The following TRPM3 variants were observed in gnomAD, a reference collection of about 807,000 sequenced individuals.
TRPM3 encodes the protein long transient receptor potential channel 3.
A neutral mutation model predicts 181.2 loss-of-function variants in TRPM3; 77 were observed. The observed-to-expected ratio is 0.42, with a 90% confidence interval of 0.35 to 0.51. The LOEUF (loss-of-function observed/expected upper bound fraction) is 0.51. Ranked by LOEUF, TRPM3 falls within the 20% of genes least tolerant of loss-of-function variation. TRPM3 has a pLI of 0.01. For synonymous variants in TRPM3, 745 were observed against 796.4 expected (o/e 0.94, Z 1.09); for missense variants, 1,759 against 2,196.7 (o/e 0.80, Z 3.98).
chr9:71,329,162 A>T (rs184432313), intron 1 of TRPM3, among the ~76,000 whole-genome samples: 1 of 152,360 alleles, frequency 6.6e-6, no homozygotes, highest in Non-Finnish European at 1.5e-5. Context: ...TGCAGCACAC[A>T]TAACAGTAAC....
intron 1 of TRPM3, among the ~76,000 whole-genome samples, chr9:71,090,371 T>C (rs751800563): frequency 5.9e-5 from 9 of 152,198 alleles, no homozygotes; most frequent in Non-Finnish European, 1.2e-4. Flanking sequence ...ACTATTCTAC[T>C]ATGCAAGAAA....
intron 1 of TRPM3, among the ~76,000 whole-genome samples, chr9:71,025,432 C>G (rs144848044): frequency 4.7e-4 from 71 of 152,288 alleles, no homozygotes; most frequent in African/African-American, 1.6e-3. Flanking sequence ...ACACATGATT[C>G]ATCGGAAAGA....
chr9:71,408,889 G>T (rs1338226005), intron 1 of TRPM3, among the ~76,000 whole-genome samples: 5 of 152,200 alleles, frequency 3.3e-5, no homozygotes, highest in Admixed American at 3.3e-4. Context: ...AAGCCCATCG[G>T]ACTAGCAGCT....
intron 1 of TRPM3, among the ~76,000 whole-genome samples, chr9:70,987,955 A>C (rs1290416028): frequency 6.6e-6 from 1 of 152,144 alleles, no homozygotes; most frequent in African/African-American, 2.4e-5. Context: ...GGATTAGTGT[A>C]CTCCTTATAA....
intron 1 of TRPM3, among the ~76,000 whole-genome samples, chr9:70,960,326 A>T (rs1257623901): frequency 6.6e-6 from 1 of 152,138 alleles, no homozygotes; most frequent in African/African-American, 2.4e-5. Flanking sequence ...GCTTGTTATG[A>T]AGTCCCTTCT....
chr9:71,272,157 T>A (rs2083851486), intron 1 of TRPM3, among the ~76,000 whole-genome samples: 1 of 152,162 alleles, frequency 6.6e-6, no homozygotes, highest in Non-Finnish European at 1.5e-5. Context: ...TGTTTGGGTA[T>A]GGGGTTATGG....
chr9:71,073,133 G>C (rs769352976), intron 1 of TRPM3, among the ~76,000 whole-genome samples: 1 of 152,046 alleles, frequency 6.6e-6, no homozygotes, highest in Non-Finnish European at 1.5e-5. Context: ...TCGTAGTGAT[G>C]GTCTCAAGTA....
chr9:70,644,132 GACAA>G (rs1694339301), intron 9 of TRPM3, among the ~76,000 whole-genome samples: 1 of 152,158 alleles, frequency 6.6e-6, no homozygotes, highest in Non-Finnish European at 1.5e-5. Flanking sequence ...AACGTCCAAT[GACAA>G]ACAAGGTAGC....
intron 1 of TRPM3, among the ~76,000 whole-genome samples, chr9:71,375,392 T>C (rs1232493486): frequency 6.6e-6 from 1 of 152,102 alleles, no homozygotes; most frequent in East Asian, 1.9e-4. Context: ...ATTAAAGACT[T>C]AAATGTAAAA....
chr9:70,802,760 G>A (rs554689939), intron 6 of TRPM3, among the ~76,000 whole-genome samples: 3 of 152,148 alleles, frequency 2.0e-5, no homozygotes, highest in East Asian at 3.9e-4. Context: ...GCTACGATTC[G>A]ACCCTATTTT....
Position 70,635,543 on chromosome 9 carries a change from G to T in TRPM3, c.1582-282C>A, listed in dbSNP as rs144179274. ...AACGGCATAATCACAGCTCACTGCAGCCTCGAACTCTTGGGCTCACCTTAG... is the reference window on the plus strand; with the variant it reads ...AACGGCATAATCACAGCTCACTGCATCCTCGAACTCTTGGGCTCACCTTAG... On this transcript the variant is annotated intron_variant, in intron 11 of 25. Transcript: ENST00000677713. Among the ~76,000 whole-genome samples the T allele has an allele frequency of 2.3e-3, 330 of 146,122 alleles. 1 individual carries two copies. Among genetic ancestry groups the T allele is most frequent in the Non-Finnish European group, 4.2e-3 (284 of 67,178 alleles).
At position 71,197,252 on chromosome 9, in the gene TRPM3, T is replaced by C. The variant is rs1024262291; in HGVS notation, c.183+249401A>G. On this transcript the variant is annotated intron_variant, in intron 1 of 24. Transcript: ENST00000357533. The stretch of plus-strand genomic sequence containing the variant: ...TCCATGGTGTATATGAGCCACATTT[T>C]CTTAATCCAGTCTATCATTGTTGGA... Among the ~76,000 whole-genome samples the C allele has an allele frequency of 5.9e-5, 9 of 152,352 alleles. 1 individual carries two copies. Among genetic ancestry groups the C allele is most frequent in the Admixed American group, 2.6e-4 (4 of 15,290 alleles).
intron 1 of TRPM3, among the ~76,000 whole-genome samples, chr9:71,099,273 C>T (rs575089629): frequency 2.6e-4 from 39 of 152,188 alleles, no homozygotes; most frequent in African/African-American, 8.9e-4. Context: ...TTTGTAAGGG[C>T]ACTAATATCA....
intron 1 of TRPM3, among the ~76,000 whole-genome samples, chr9:71,223,225 C>T (rs1310406707): frequency 6.6e-6 from 1 of 152,122 alleles, no homozygotes; most frequent in Non-Finnish European, 1.5e-5. Context: ...GGCTCAGCTA[C>T]AGAAGGACAG....
At chr9:71,114,604 T>G (rs928932123) in intron 1 of TRPM3, among the ~76,000 whole-genome samples, 2 of 152,208 alleles carry the variant, frequency 1.3e-5, no homozygotes, top group African/African-American at 4.8e-5. Flanking sequence ...TTTTGAAGGT[T>G]GTGCGGTGGA....
chr9:71,431,858 C>A (rs1023045846), intron 1 of TRPM3, among the ~76,000 whole-genome samples: 1 of 152,194 alleles, frequency 6.6e-6, no homozygotes, highest in African/African-American at 2.4e-5. Context: ...TTCATCTTCT[C>A]TCTGTCCAGG....
chr9:71,006,634 C>A (rs1056852353), intron 1 of TRPM3, among the ~76,000 whole-genome samples: 6 of 152,042 alleles, frequency 3.9e-5, no homozygotes, highest in African/African-American at 1.4e-4. Context: ...CTTTGGGAGG[C>A]CGAGGTGGGT....
intron 22 of TRPM3, among the ~76,000 whole-genome samples, chr9:70,578,106 T>A (rs1222038225): frequency 1.3e-5 from 2 of 152,118 alleles, no homozygotes; most frequent in Non-Finnish European, 2.9e-5. Context: ...TTTAAAACTG[T>A]TTTCAATTTG....
chr9:71,387,273 C>A (rs546491851), intron 1 of TRPM3, among the ~76,000 whole-genome samples: 3 of 152,310 alleles, frequency 2.0e-5, no homozygotes, highest in Non-Finnish European at 4.4e-5. Context: ...CCAAAGAATT[C>A]ATCAAACCTA....
Sources: gnomAD v4.1 joint callset for allele counts (sites outside exome capture counted in the v4.1 genomes callset) on GRCh38, gnomAD v4.1.1 for gene constraint, MANE v1.5 for transcripts, NCBI Gene and HGNC (gene_info 2026-07-23, HGNC 2026-07-21) for gene names.